Variants in TENM2 observed in about 807,000 individuals in gnomAD.
The protein encoded by TENM2 is teneurin-2.
In TENM2, 52 loss-of-function variants were observed where a neutral mutation model predicts 245.2. That is an observed-to-expected ratio of 0.21 (90% CI 0.17 to 0.27). The LOEUF (loss-of-function observed/expected upper bound fraction) is 0.27. TENM2 is among the 10% of genes least tolerant of loss of function. The pLI is 1.00. For synonymous variants in TENM2, 1,363 were observed against 1,438.9 expected (o/e 0.95, Z 1.19); for missense variants, 3,046 against 3,666.8 (o/e 0.83, Z 4.37).
At chr5:167,337,794 C>T (rs972925913) in intron 1 of TENM2, among the ~76,000 whole-genome samples, 3 of 152,116 alleles carry the variant, frequency 2.0e-5, no homozygotes, top group African/African-American at 7.2e-5. Flanking sequence ...AAGTGCTGGC[C>T]TTGGAAATGT....
intron 2 of TENM2, among the ~76,000 whole-genome samples, chr5:167,441,377 T>C (rs1488938036): frequency 6.6e-6 from 1 of 152,224 alleles, no homozygotes; most frequent in African/African-American, 2.4e-5. Context: ...TTTGTATCGT[T>C]TGGATTCCCT....
At chr5:168,156,708 G>A (rs929231638) in intron 12 of TENM2, among the ~76,000 whole-genome samples, 7 of 151,834 alleles carry the variant, frequency 4.6e-5, no homozygotes, top group Non-Finnish European at 1.0e-4. Context: ...TAACTGTGTG[G>A]ACAGACTTTT....
the TENM2 span, among the ~76,000 whole-genome samples, chr5:167,187,401 G>A: frequency 1.3e-5 from 2 of 152,176 alleles, no homozygotes; most frequent in Non-Finnish European, 2.9e-5. Context: ...GAGCAGCAAT[G>A]ACAGGTATAT....
intron 5 of TENM2, among the ~76,000 whole-genome samples, chr5:168,021,696 T>C (rs1473901924): frequency 6.6e-6 from 1 of 152,188 alleles, no homozygotes; most frequent in Non-Finnish European, 1.5e-5. Flanking sequence ...CAACACTGGC[T>C]GCACTCAGCA....
intron 3 of TENM2, among the ~76,000 whole-genome samples, chr5:167,929,067 AAGAAAG>A (rs1561945588): frequency 1.1e-3 from 14 of 12,486 alleles, no homozygotes; most frequent in African/African-American, 4.4e-3. Context: ...GAGAGAAAGA[AAGAAAG>A]AAAGAAAGAA....
intron 1 of TENM2, chr5:167,307,806 C>A (rs758300516): frequency 3.9e-5 from 6 of 152,164 alleles, no homozygotes; most frequent in Non-Finnish European, 4.4e-5. Flanking sequence ...AAATTCTCTC[C>A]TTTGCTCTCC....
intron 12 of TENM2, among the ~76,000 whole-genome samples, chr5:168,138,330 G>A (rs1755245220): frequency 6.6e-6 from 1 of 152,212 alleles, no homozygotes; most frequent in Non-Finnish European, 1.5e-5. Flanking sequence ...CACTGATGGA[G>A]AGCACTTAAC....
intron 15 of TENM2, among the ~76,000 whole-genome samples, chr5:168,197,567 G>A (rs57141803): frequency 0.16 from 23,575 of 152,014 alleles, 2,603 homozygotes; most frequent in East Asian, 0.33. Context: ...AGGCATCGTG[G>A]CAGGCGCCTG....
At chr5:167,350,532 A>T (rs1162475209) in intron 1 of TENM2, among the ~76,000 whole-genome samples, 4 of 142,318 alleles carry the variant, frequency 2.8e-5, no homozygotes, top group Admixed American at 1.5e-4. Flanking sequence ...ATATATATGG[A>T]ATATATAGAC....
Position 167,800,085 on chromosome 5 carries a change from A to G in TENM2, c.503-75901A>G, listed in dbSNP as rs541043211. 5.9e-5 allele frequency among the ~76,000 whole-genome samples: 9 copies of G among 152,332 alleles called. No homozygotes were observed. The South Asian group carries it at 1.5e-3, about 25-fold the overall frequency. ...GGAAAGGTATATGATTACACCTTGA[A>G]AATATGAGGATAACAAATCTGGCTG... On this transcript the variant is annotated intron_variant, in intron 2 of 28. Transcript: ENST00000518659.
At chr5:167,070,140 CAG>C in the TENM2 span, among the ~76,000 whole-genome samples, 1 of 61,284 alleles carries the variant, frequency 1.6e-5, no homozygotes, top group Non-Finnish European at 3.9e-5. Flanking sequence ...TTTTTTGAGA[CAG>C]AGTCTCACTC....
At chr5:166,986,561 A>C in the TENM2 span, among the ~76,000 whole-genome samples, 1 of 152,208 alleles carries the variant, frequency 6.6e-6, no homozygotes, top group Non-Finnish European at 1.5e-5. Flanking sequence ...TCCAGGGACC[A>C]CAAAATCTTT....
At chr5:167,889,099 C>CA (rs992705564) in intron 3 of TENM2, among the ~76,000 whole-genome samples, 12 of 152,064 alleles carry the variant, frequency 7.9e-5, no homozygotes, top group South Asian at 4.2e-4. Flanking sequence ...ACAAAACAAA[C>CA]AAAAAAACCA....
At chr5:167,494,406 G>A (rs1245681348) in intron 2 of TENM2, among the ~76,000 whole-genome samples, 1 of 152,092 alleles carries the variant, frequency 6.6e-6, no homozygotes, top group Non-Finnish European at 1.5e-5. Context: ...AAGGTCTTTT[G>A]AGCAAGGAGG....
At chr5:167,519,014 G>C (rs1582271260) in intron 2 of TENM2, among the ~76,000 whole-genome samples, 1 of 152,084 alleles carries the variant, frequency 6.6e-6, no homozygotes. Flanking sequence ...TGTAGAGAGA[G>C]CATGAAGAGA....
chr5:167,414,483 T>C (rs961059036), intron 2 of TENM2, among the ~76,000 whole-genome samples: 3 of 152,018 alleles, frequency 2.0e-5, no homozygotes, highest in Admixed American at 6.6e-5. Context: ...GGTTCTGATA[T>C]GGGGTGAAAA....
At chr5:167,721,047 T>C (rs959609739) in intron 2 of TENM2, among the ~76,000 whole-genome samples, 2 of 152,218 alleles carry the variant, frequency 1.3e-5, no homozygotes, top group Non-Finnish European at 2.9e-5. Flanking sequence ...AATCACTTAA[T>C]TTTCTAAAAG....
rs546154153 is a variant in TENM2, at chr5:168,154,648, A to G, written c.2423-7963A>G. Among the ~76,000 whole-genome samples, 38 of 152,312 alleles carry G rather than the reference A, an allele frequency of 2.5e-4. No homozygotes were observed. In the South Asian group the frequency reaches 7.9e-3, roughly 32 times the overall value. Reference sequence around the variant, plus strand: ...TCCCATGCAGACAGACATGGTGCTGATCAGTGAGAATCCAGGTGCATCCAG... The same window carrying G: ...TCCCATGCAGACAGACATGGTGCTGGTCAGTGAGAATCCAGGTGCATCCAG... On this transcript the variant is annotated intron_variant, in intron 12 of 28. Transcript: ENST00000518659.
At chr5:167,839,514 A>C (rs1451514881) in intron 2 of TENM2, among the ~76,000 whole-genome samples, 1 of 152,102 alleles carries the variant, frequency 6.6e-6, no homozygotes, top group Admixed American at 6.5e-5. Context: ...GGATTTTTTT[A>C]ACTGGCTGTC....
Sources: gnomAD v4.1 joint callset for allele counts (sites outside exome capture counted in the v4.1 genomes callset) on GRCh38, gnomAD v4.1.1 for gene constraint, MANE v1.5 for transcripts, NCBI Gene and HGNC (gene_info 2026-07-23, HGNC 2026-07-21) for gene names.